PCARE: variants seen among roughly 807,000 people sequenced by gnomAD.
PCARE encodes the protein uncharacterized protein C2orf71.
Under a neutral mutation model 82.2 loss-of-function variants are expected in PCARE, and 72 were observed. That is an observed-to-expected ratio of 0.88 (90% CI 0.72 to 1.07). PCARE has a LOEUF of 1.07. Among genes scored for constraint, PCARE ranks in the 50% least tolerant of loss-of-function variants. The pLI is 0.00. For synonymous variants in PCARE, 705 were observed against 634.8 expected (o/e 1.11, Z -1.66); for missense variants, 1,768 against 1,592.4 (o/e 1.11, Z -1.88).
rs1667547580 is a variant in PCARE, at chr2:29,074,157, T to C, written c.105A>G (p.Gly35=). 6.2e-7 allele frequency: 1 copy of C among 1,611,672 alleles called. No individual in the cohort carries two copies. The highest frequency in any genetic ancestry group is 2.2e-5 in the East Asian group (1 of 44,830). ...GCAAAGGGATGGAACCTCTTTCACT[T>C]CCGCCCTGACATCCTGGCCGAATTG... ...PKAIRPGCQG[G]SERGSIPLLV... Residue 35 remains glycine, a synonymous_variant, in exon 1 of 2, where the codon GGA becomes GGG. Coordinates refer to ENST00000331664, the MANE Select transcript of PCARE (RefSeq NM_001029883.3).
chr2:29,072,521 C>A lies in PCARE; in HGVS notation c.1741G>T (p.Val581Leu). The change falls in exon 1 of 2, where the codon GTA becomes TTA. Residue 581 changes from valine (V) to leucine (L), a missense_variant. Transcript: ENST00000331664. ...TCAGGGGCCCTCCTGCTGCCACTTACCGTGCTAGGTCTTGGGGGGACCACT... is the reference window on the plus strand; with the variant it reads ...TCAGGGGCCCTCCTGCTGCCACTTAACGTGCTAGGTCTTGGGGGGACCACT... ...RTVVPPRPST[V>L]SGSRRAPERQ... 1 of 1,614,224 alleles carries A rather than the reference C, an allele frequency of 6.2e-7. No individual in the cohort carries two copies. The highest frequency in any genetic ancestry group is 8.5e-7 in the Non-Finnish European group (1 of 1,180,040).
chr2:29,071,075 T>G lies in PCARE; in HGVS notation c.3187A>C (p.Ser1063Arg), dbSNP rs752216587. The G allele has an allele frequency of 2.6e-6, 2 of 758,624 alleles. No homozygotes were observed. The highest frequency in any genetic ancestry group is 3.9e-6 in the Non-Finnish European group (2 of 518,848). 47.0% of individuals were successfully genotyped at this position (758,624 alleles called of 1,614,324 possible). The part of the protein sequence containing the change: ...QPKLPNPPPE[S>R]APAQCKVPSP... ...GGGACCTTGCACTGAGCAGGTGCAC[T>G]CTCGGGGGGAGGGTTGGGCAACTTG... The change falls in exon 1 of 2, where the codon AGT becomes CGT. Residue 1063 changes from serine (S) to arginine (R), a missense_variant. Physicochemically the swap from Ser to Arg is moderately radical, Grantham distance 110. Coordinates refer to ENST00000331664, the MANE Select transcript of PCARE (RefSeq NM_001029883.3).
In PCARE at chr2:29,072,002, C is replaced by T. The variant is rs773043850; in HGVS notation, c.2260G>A (p.Gly754Arg). 1.2e-6 allele frequency: 2 copies of T among 1,613,942 alleles called. No individual in the cohort carries two copies. The highest frequency in any genetic ancestry group is 1.7e-6 in the Non-Finnish European group (2 of 1,179,824). The change falls in exon 1 of 2, where the codon GGG becomes AGG. Residue 754 changes from glycine to arginine, a missense_variant. Coordinates refer to ENST00000331664, the MANE Select transcript of PCARE (RefSeq NM_001029883.3). Reference protein sequence around the residue: ...LRMLGDSKDAGASPCLRNCIM... With the variant: ...LRMLGDSKDARASPCLRNCIM... ...CAATTCCTGAGGCAGGGACTTGCCC[C>T]AGCGTCCTTAGAGTCCCCCAGCATC... is the stretch of plus-strand genomic sequence containing the variant.
rs774763644 is a variant in PCARE at position 29,073,188 on chromosome 2, G to A, written c.1074C>T (p.Ser358=). 5.6e-6 allele frequency: 9 copies of A among 1,613,990 alleles called. No individual in the cohort carries two copies. The highest frequency in any genetic ancestry group is 3.3e-5 in the Admixed American group (2 of 60,004). ...TGCCCAGCTTGTCCACCGACTGCACGGACTCATTGTCAGCACCAATGCCAC... is the reference window on the plus strand; with the variant it reads ...TGCCCAGCTTGTCCACCGACTGCACAGACTCATTGTCAGCACCAATGCCAC... ...EDSGIGADNE[S]VQSVDKLGKQ... The change falls in exon 1 of 2, where the codon TCC becomes TCT. Residue 358 remains serine (S), a synonymous_variant. Coordinates refer to ENST00000331664, the MANE Select transcript of PCARE (RefSeq NM_001029883.3).
chr2:29,070,603 C>A lies in PCARE; in HGVS notation c.3659G>T (p.Gly1220Val), dbSNP rs1433553350. The A allele has an allele frequency of 2.5e-6, 4 of 1,613,878 alleles. No homozygotes were observed. The Middle Eastern group carries it at 4.9e-4, about 199-fold the overall frequency. ...CCAGGACACTCCTTACCTGTTCTGG[C>A]CGAGCTGGGATTCATAAGAGGTGCT... ...PTSTSYESQL[G>V]QNSSSEESPK... Residue 1220 changes from glycine to valine, a missense_variant, in exon 1 of 2, where the codon GGC becomes GTC. By Grantham distance (109) the Gly-to-Val change is moderately radical. Coordinates refer to ENST00000331664, the MANE Select transcript of PCARE (RefSeq NM_001029883.3).
Position 29,062,683 on chromosome 2 carries a change from C to G in PCARE, c.*2186G>C. On this transcript the variant is annotated 3_prime_UTR_variant, in exon 2 of 2. Transcript: ENST00000331664. Reference sequence around the variant, plus strand: ...CTCGGCCACCCTTTCCACTTTCTACCCAGCCCTGGACTTTTAAGATGAGGC... The same window carrying G: ...CTCGGCCACCCTTTCCACTTTCTACGCAGCCCTGGACTTTTAAGATGAGGC... 6.6e-6 allele frequency: 1 copy of G among 152,280 alleles called. No individual in the cohort carries two copies. Among genetic ancestry groups the G allele is most frequent in the Non-Finnish European group, 1.5e-5 (1 of 68,070 alleles). 9.4% of individuals were successfully genotyped at this position (152,280 alleles called of 1,614,324 possible). A position where few individuals can be genotyped will look rare whatever the true frequency, so the allele number is the denominator to read the frequency against.
In PCARE at chr2:29,072,942, T is replaced by C; in HGVS notation, c.1320A>G (p.Pro440=). The C allele has an allele frequency of 6.2e-7, 1 of 1,614,174 alleles. No individual in the cohort carries two copies. The highest frequency in any genetic ancestry group is 8.5e-7 in the Non-Finnish European group (1 of 1,180,020). Residue 440 remains proline (P), a synonymous_variant, in exon 1 of 2, where the codon CCA becomes CCG. Coordinates refer to ENST00000331664, the MANE Select transcript of PCARE (RefSeq NM_001029883.3). ...ARSPCLSSTS[P]ENITSPPLKL... is the part of the protein sequence containing the mutation. ...TCAAAGGTGGGGAGGTGATATTTTCTGGGCTTGTACTGGAGAGGCATGGGC... is the reference window on the plus strand; with the variant it reads ...TCAAAGGTGGGGAGGTGATATTTTCCGGGCTTGTACTGGAGAGGCATGGGC...
chr2:29,074,000 C>G lies in PCARE; in HGVS notation c.262G>C (p.Asp88His). 1.9e-6 allele frequency: 3 copies of G among 1,614,210 alleles called. No individual in the cohort carries two copies. The highest frequency in any genetic ancestry group is 2.5e-6 in the Non-Finnish European group (3 of 1,180,040). The change falls in exon 1 of 2, where the codon GAT becomes CAT. Residue 88 changes from aspartate (D) to histidine (H), a missense_variant. Physicochemically the swap from Asp to His is moderately conservative, Grantham distance 81. Transcript: ENST00000331664. Reference protein sequence around the residue: ...MGDPASGKRKDMEGLIPGTKT... With the variant: ...MGDPASGKRKHMEGLIPGTKT... ...GTTCCTGGGATCAGTCCTTCCATAT[C>G]TTTCCTTTTGCCTGAAGCAGGATCT...
Position 29,068,041 on chromosome 2 carries a change from T to C in PCARE, c.3668+2553A>G, listed in dbSNP as rs893758920. On this transcript the variant is annotated intron_variant, in intron 1 of 1. Transcript: ENST00000331664. ...TTAAAATGTTAGTGTTTTTAATTAATGCCATTTTATTGTCCCTGTTCTCTC... is the reference window on the plus strand; with the variant it reads ...TTAAAATGTTAGTGTTTTTAATTAACGCCATTTTATTGTCCCTGTTCTCTC... Among the ~76,000 whole-genome samples the C allele has an allele frequency of 3.3e-5, 5 of 152,262 alleles. No homozygotes were observed. The East Asian group carries it at 9.6e-4, about 29-fold the overall frequency.
At chr2:29,065,217 AC>A in intron 1 of PCARE, 150 bp from the exon 2 acceptor site, 2 of 976,052 alleles carry the variant, frequency 2.0e-6, no homozygotes, top group Non-Finnish European at 3.1e-6. Context: ...TGCCCTCTGT[AC>A]CAGGCTTGCC....
Position 29,073,543 on chromosome 2 carries a change from C to G in PCARE, c.719G>C (p.Gly240Ala). ...CCTGACTTCCTGCAGGAGCACTTCT[C>G]CATCCTTGGAGATCTCCCCCAACAG... is the stretch of plus-strand genomic sequence containing the variant. ...SQLLGEISKDGEVLLQEVRED... is the reference protein window; with the variant it reads ...SQLLGEISKDAEVLLQEVRED... The change falls in exon 1 of 2, where the codon GGA becomes GCA. Residue 240 changes from glycine to alanine, a missense_variant. By Grantham distance (60) the Gly-to-Ala change is moderately conservative (BLOSUM62 0). Coordinates refer to ENST00000331664, the MANE Select transcript of PCARE (RefSeq NM_001029883.3). 1.2e-6 allele frequency: 2 copies of G among 1,614,202 alleles called. No individual in the cohort carries two copies. Among genetic ancestry groups the G allele is most frequent in the African/African-American group, 1.3e-5 (1 of 75,054 alleles).
chr2:29,072,159 C>A lies in PCARE; in HGVS notation c.2103G>T (p.Lys701Asn). ...CTCCTGATGGGATGGCATTTGGAAG[C>A]TTCCCAGCTTTGCCTTGTTCGTCCT... ...HPEDEQGKAG[K>N]LPNAIPSGEV... The change falls in exon 1 of 2, where the codon AAG (lysine) becomes AAT (asparagine). Residue 701 changes from lysine (K) to asparagine (N), a missense_variant. Lys to Asn is a moderately conservative substitution (Grantham distance 94). Coordinates refer to ENST00000331664, the MANE Select transcript of PCARE (RefSeq NM_001029883.3). 6.2e-7 allele frequency: 1 copy of A among 1,614,238 alleles called. No individual in the cohort carries two copies. The highest frequency in any genetic ancestry group is 1.1e-5 in the South Asian group (1 of 91,088).
At position 29,071,294 on chromosome 2, in the gene PCARE, C is replaced by T; in HGVS notation, c.2968G>A (p.Val990Met). 1 of 1,613,408 alleles carries T rather than the reference C, an allele frequency of 6.2e-7. No individual in the cohort carries two copies. Among genetic ancestry groups the T allele is most frequent in the Non-Finnish European group, 8.5e-7 (1 of 1,179,898 alleles). The change falls in exon 1 of 2, where the codon GTG becomes ATG. Residue 990 changes from valine to methionine, a missense_variant. By Grantham distance (21) the Val-to-Met change is conservative. Coordinates refer to ENST00000331664, the MANE Select transcript of PCARE (RefSeq NM_001029883.3). ...PRQSRERSPP[V>M]GRKASPTRTH... ...CTCGTGGGAGAGGCCTTTCTGCCCA[C>T]AGGGGGGCTTCTCTCTCGGCTCTGC...
In PCARE at chr2:29,062,431, T is replaced by C. The variant is rs1572820237; in HGVS notation, c.*2438A>G. 6.6e-6 allele frequency: 1 copy of C among 152,354 alleles called. No individual in the cohort carries two copies. Among genetic ancestry groups the C allele is most frequent in the Admixed American group, 6.5e-5 (1 of 15,290 alleles). The allele number at this position is 152,354 out of a possible 1,614,324, so 9.4% of individuals were successfully genotyped here. ...CCCGGGTGCCCTGTACCCCTTCGTC[T>C]GCTGCCTGCAATATGGTGGGTGGGC... is the stretch of plus-strand genomic sequence containing the variant. On this transcript the variant is annotated 3_prime_UTR_variant, in exon 2 of 2. Coordinates refer to ENST00000331664, the MANE Select transcript of PCARE (RefSeq NM_001029883.3).
Position 29,070,622 on chromosome 2 carries a change from A to T in PCARE, c.3640T>A (p.Ser1214Thr), listed in dbSNP as rs1435331037. 1.9e-6 allele frequency: 3 copies of T among 1,613,832 alleles called. No homozygotes were observed. The highest frequency in any genetic ancestry group is 2.5e-6 in the Non-Finnish European group (3 of 1,179,890). The change falls in exon 1 of 2, where the codon TCT (serine) becomes ACT (threonine). Residue 1214 changes from serine (S) to threonine (T), a missense_variant. Coordinates refer to ENST00000331664, the MANE Select transcript of PCARE (RefSeq NM_001029883.3). ...TTCTGGCCGAGCTGGGATTCATAAG[A>T]GGTGCTGGTGGGGTCCAAGGTGGGA... is the stretch of plus-strand genomic sequence containing the variant. ...QPPTLDPTST[S>T]YESQLGQNSS...
In PCARE at chr2:29,074,482, A is replaced by G. The variant is rs1393694751; in HGVS notation, c.-221T>C. Among the ~76,000 whole-genome samples, 1 of 152,036 alleles carries G rather than the reference A, an allele frequency of 6.6e-6. No homozygotes were observed. Among genetic ancestry groups the G allele is most frequent in the Non-Finnish European group, 1.5e-5 (1 of 67,996 alleles). On this transcript the variant is annotated 5_prime_UTR_variant, in exon 1 of 2. Coordinates refer to ENST00000331664, the MANE Select transcript of PCARE (RefSeq NM_001029883.3). The stretch of plus-strand genomic sequence containing the variant: ...TACCTGTCGTCCTGTTGTTGTTCTA[A>G]GTTTGGAACCCTCTGCTGTTAGTGA...
rs1667337196 is a variant in PCARE at position 29,063,151 on chromosome 2, C to G, written c.*1718G>C. 6.6e-6 allele frequency: 1 copy of G among 152,472 alleles called. No individual in the cohort carries two copies. Among genetic ancestry groups the G allele is most frequent in the Admixed American group, 6.5e-5 (1 of 15,290 alleles). 9.4% of individuals were successfully genotyped at this position (152,472 alleles called of 1,614,324 possible). ...GCAAGTTTGCTGAACCTGGTCCATC[C>G]TCACGTGCTTACCTTGGCCCCTGCC... is the stretch of plus-strand genomic sequence containing the variant. On this transcript the variant is annotated 3_prime_UTR_variant, in exon 2 of 2. Transcript: ENST00000331664.
chr2:29,064,912 T>A lies in PCARE; in HGVS notation c.3824A>T (p.Lys1275Ile). The A allele has an allele frequency of 6.2e-7, 1 of 1,612,092 alleles. No homozygotes were observed. The highest frequency in any genetic ancestry group is 2.2e-5 in the East Asian group (1 of 44,860). ...PEPRTGHIQD[K>I]SQPEAQPQQE... ...CTGGGGCTGCGCCTCTGGCTGGGAT[T>A]TGTCCTGGATGTGGCCGGTCCGAGG... The change falls in exon 2 of 2, where the codon AAA (lysine) becomes ATA (isoleucine). Residue 1275 changes from lysine (K) to isoleucine (I), a missense_variant. Lys to Ile is a moderately radical substitution (Grantham distance 102). Transcript: ENST00000331664.
At chr2:29,065,443 G>GACA (rs556725111) in intron 1 of PCARE, among the ~76,000 whole-genome samples, 80 of 152,210 alleles carry the variant, frequency 5.3e-4, no homozygotes, top group Non-Finnish European at 9.0e-4. Context: ...TTGAATTAAA[G>GACA]ACAACAACAA....
Sources: allele counts gnomAD v4.1 joint callset (sites outside exome capture counted in the v4.1 genomes callset), GRCh38; gene constraint gnomAD v4.1.1; transcripts MANE v1.5; gene names NCBI Gene and HGNC (gene_info 2026-07-23, HGNC 2026-07-21).